Variants in RBFOX3 observed in about 807,000 individuals in gnomAD.
RBFOX3 encodes RNA binding fox-1 homolog 3, also known as RNA binding protein fox-1 homolog 3.
Under a neutral mutation model 48.7 loss-of-function variants are expected in RBFOX3, and 17 were observed. The ratio of observed to expected loss-of-function variants is 0.35; its 90% CI spans 0.24 to 0.52. The LOEUF is 0.52. Ranked by LOEUF, RBFOX3 falls within the 20% of genes least tolerant of loss-of-function variation. RBFOX3 has a pLI of 0.94. For synonymous variants in RBFOX3, 212 were observed against 209.5 expected (o/e 1.01, Z -0.10); for missense variants, 382 against 497.5 (o/e 0.77, Z 2.21).
chr17:79,649,651 G>A, the RBFOX3 span, among the ~76,000 whole-genome samples: 5 of 152,176 alleles, frequency 3.3e-5, no homozygotes, highest in East Asian at 1.9e-4. Context: ...GGTTGCAGTG[G>A]GCGGAGATAG....
intron 2 of RBFOX3, among the ~76,000 whole-genome samples, chr17:79,404,026 T>C (rs1568189317): frequency 6.6e-6 from 1 of 152,074 alleles, no homozygotes; most frequent in Non-Finnish European, 1.5e-5. Context: ...GATGCACCCA[T>C]CTTGGCCTCC....
At position 79,249,367 on chromosome 17, in the gene RBFOX3, G is replaced by T. The variant is rs1007575831; in HGVS notation, c.-73-13562C>A. Reference sequence around the variant, plus strand: ...CGGCCCGCTCGGCTCCAATGCTGCTGCAGTCACCGTCTTTTATTCCCTGTA... The same window carrying T: ...CGGCCCGCTCGGCTCCAATGCTGCTTCAGTCACCGTCTTTTATTCCCTGTA... On this transcript the variant is annotated intron_variant, in intron 3 of 14. Transcript: ENST00000693108. This position sits in a 1 kb window ranked among gnomAD's most constrained non-coding sequence, Gnocchi z 4.1. 1.8e-4 allele frequency among the ~76,000 whole-genome samples: 27 copies of T among 152,156 alleles called. No homozygotes were observed. Among genetic ancestry groups the T allele is most frequent in the African/African-American group, 6.3e-4 (26 of 41,428 alleles).
intron 3 of RBFOX3, among the ~76,000 whole-genome samples, chr17:79,257,271 C>T (rs566535527): frequency 6.6e-6 from 1 of 152,192 alleles, no homozygotes; most frequent in Non-Finnish European, 1.5e-5. Flanking sequence ...GAGGTTTGTG[C>T]GGTTCCAGAG....
At chr17:79,319,752 C>T (rs1025811344) in intron 2 of RBFOX3, among the ~76,000 whole-genome samples, 1 of 150,824 alleles carries the variant, frequency 6.6e-6, no homozygotes, top group Non-Finnish European at 1.5e-5. Flanking sequence ...CTTGTCTGGG[C>T]TGCTGGTCCT....
chr17:79,347,210 C>T (rs1568083787), intron 2 of RBFOX3, among the ~76,000 whole-genome samples: 1 of 152,148 alleles, frequency 6.6e-6, no homozygotes, highest in Non-Finnish European at 1.5e-5. Context: ...GTTGAAAATC[C>T]TGAAGTCTGT....
intron 3 of RBFOX3, among the ~76,000 whole-genome samples, chr17:79,296,786 C>T (rs1364866238): frequency 1.6e-5 from 2 of 126,978 alleles, no homozygotes; most frequent in Admixed American, 7.8e-5. Context: ...TCTTTCTCCT[C>T]CTCTCCCTCC....
chr17:79,384,826 C>T lies in RBFOX3; in HGVS notation c.-174-77002G>A, dbSNP rs1268359109. On this transcript the variant is annotated intron_variant, in intron 2 of 14. Transcript: ENST00000693108. Reference sequence around the variant, plus strand: ...TGAACACAGCACATCTAAATACTGGCTAGCAGTTGTTGGCCAAGAGTCCAG... The same window carrying T: ...TGAACACAGCACATCTAAATACTGGTTAGCAGTTGTTGGCCAAGAGTCCAG... Among the ~76,000 whole-genome samples, 4 of 152,354 alleles carry T rather than the reference C, an allele frequency of 2.6e-5. No individual in the cohort carries two copies. In the South Asian group the frequency reaches 6.2e-4, roughly 24 times the overall value.
intron 3 of RBFOX3, among the ~76,000 whole-genome samples, chr17:79,238,701 C>G (rs2061940493): frequency 6.6e-6 from 1 of 152,234 alleles, no homozygotes; most frequent in Admixed American, 6.5e-5. Context: ...GCTGGCATTT[C>G]TTGAGTTCTC....
At chr17:79,469,175 T>A (rs2076749731) in intron 2 of RBFOX3, among the ~76,000 whole-genome samples, 1 of 152,118 alleles carries the variant, frequency 6.6e-6, no homozygotes, top group Non-Finnish European at 1.5e-5. Context: ...CTACACCTTC[T>A]CCTTTATGGG....
chr17:79,357,786 T>C (rs1245985774), intron 2 of RBFOX3, among the ~76,000 whole-genome samples: 2 of 150,418 alleles, frequency 1.3e-5, no homozygotes, highest in Non-Finnish European at 2.9e-5. Flanking sequence ...GAGAAATATT[T>C]TGTTACCTCA....
At chr17:79,655,281 G>A in the RBFOX3 span, among the ~76,000 whole-genome samples, 1 of 152,198 alleles carries the variant, frequency 6.6e-6, no homozygotes, top group Non-Finnish European at 1.5e-5. Flanking sequence ...CGGTGGCCAG[G>A]CCCTAGGTTC....
At chr17:79,114,788 G>A (rs899547997) in intron 5 of RBFOX3, among the ~76,000 whole-genome samples, 1 of 152,090 alleles carries the variant, frequency 6.6e-6, no homozygotes, top group Non-Finnish European at 1.5e-5. Flanking sequence ...CAGTGGAGGG[G>A]ACCAGACAAA....
chr17:79,108,353 G>A lies in RBFOX3; in HGVS notation c.223-1565C>T, dbSNP rs570571013. On this transcript the variant is annotated intron_variant, in intron 5 of 14. Coordinates refer to ENST00000693108, the MANE Select transcript of RBFOX3 (RefSeq NM_001350451.2). ...TGCGGAGCAGAGGCAGCCAGCCTGC[G>A]AGCAAGAGGAGGAAAGCCAAGAAGA... Among the ~76,000 whole-genome samples, 17 of 152,144 alleles carry A rather than the reference G, an allele frequency of 1.1e-4. No homozygotes were observed. In the South Asian group the frequency reaches 2.1e-3, roughly 19 times the overall value.
intron 2 of RBFOX3, among the ~76,000 whole-genome samples, chr17:79,410,119 C>T (rs1246890039): frequency 1.3e-5 from 2 of 152,252 alleles, no homozygotes; most frequent in Non-Finnish European, 2.9e-5. Context: ...ACAGCTGTTC[C>T]CGTGCCTGCT....
intron 3 of RBFOX3, among the ~76,000 whole-genome samples, chr17:79,250,247 A>G (rs7217172): frequency 0.22 from 32,812 of 152,162 alleles, 4,077 homozygotes; most frequent in African/African-American, 0.35. Context: ...GTGAACGTCC[A>G]TCTGCAACTA....
At chr17:79,554,494 CA>C (rs1473854866) in intron 1 of RBFOX3, among the ~76,000 whole-genome samples, 1 of 152,112 alleles carries the variant, frequency 6.6e-6, no homozygotes, top group African/African-American at 2.4e-5. Flanking sequence ...CACTCACAGT[CA>C]CCCCCGACCT....
At chr17:79,192,900 C>T (rs2054809622) in intron 4 of RBFOX3, among the ~76,000 whole-genome samples, 1 of 152,206 alleles carries the variant, frequency 6.6e-6, no homozygotes, top group South Asian at 2.1e-4. Context: ...GCTCTGTCTC[C>T]CTTTAGGAGA....
intron 2 of RBFOX3, among the ~76,000 whole-genome samples, chr17:79,378,460 G>A (rs928033675): frequency 3.9e-5 from 6 of 152,202 alleles, no homozygotes; most frequent in African/African-American, 7.2e-5. Flanking sequence ...ACGATTGAGA[G>A]CATTAAAAAA....
chr17:79,308,572 G>A (rs1415052522), intron 2 of RBFOX3, among the ~76,000 whole-genome samples: 2 of 152,192 alleles, frequency 1.3e-5, no homozygotes, highest in African/African-American at 4.8e-5. Context: ...AGCAGGGACT[G>A]AGTCTGCCAT....
Sources: gnomAD v4.1 joint callset for allele counts (sites outside exome capture counted in the v4.1 genomes callset) on GRCh38, gnomAD v4.1.1 for gene constraint, Gnocchi (gnomAD v3.1) non-coding constraint, MANE v1.5 for transcripts, NCBI Gene and HGNC (gene_info 2026-07-23, HGNC 2026-07-21) for gene names.